The following FNBP4 variants were observed in gnomAD, a reference collection of about 807,000 sequenced individuals.
FNBP4 encodes the protein formin-binding protein 4.
Under a neutral mutation model 119.3 loss-of-function variants are expected in FNBP4, and 34 were observed. The observed-to-expected ratio is 0.28, with a 90% CI of 0.22 to 0.38. The LOEUF (loss-of-function observed/expected upper bound fraction) is 0.38, where lower values mean the gene tolerates loss of function less well. Among genes scored for constraint, FNBP4 ranks in the 10% least tolerant of loss-of-function variants. The pLI, the probability that FNBP4 is intolerant of heterozygous loss-of-function variation, is 1.00. For missense variants in FNBP4, 1,112 were observed against 1,228.9 expected, an observed-to-expected ratio of 0.90 and a Z score of 1.42; for synonymous variants, 462 against 430.6, an observed-to-expected ratio of 1.07 and a Z score of -0.90.
At chr11:47,755,846 T>C (rs996884224) in intron 2 of FNBP4, among the ~76,000 whole-genome samples, 3 of 151,894 alleles carry the variant, frequency 2.0e-5, no homozygotes, top group African/African-American at 7.3e-5. Context: ...TTAATCTGCA[T>C]AGTTATTTCA....
chr11:47,731,887 C>T (rs143367832), intron 11 of FNBP4: 8 of 1,031,180 alleles, frequency 7.8e-6, no homozygotes, highest in Non-Finnish European at 9.3e-6. Flanking sequence ...GGGACTCAAT[C>T]GCCTAGAACA....
At chr11:47,762,945 A>G (rs2097639143) in intron 2 of FNBP4, among the ~76,000 whole-genome samples, 1 of 144,246 alleles carries the variant, frequency 6.9e-6, no homozygotes, top group Non-Finnish European at 1.5e-5. Flanking sequence ...TCTGCTGCCT[A>G]GGCTGCTCTT....
chr11:47,722,978 T>C lies in FNBP4; in HGVS notation c.2803A>G (p.Lys935Glu). The C allele has an allele frequency of 6.5e-7, 1 of 1,527,570 alleles. No homozygotes were observed. Among genetic ancestry groups the C allele is most frequent in the Non-Finnish European group, 8.8e-7 (1 of 1,140,114 alleles). The allele number at this position is 1,527,570 out of a possible 1,614,324, so 94.6% of individuals were successfully genotyped here. The change falls in exon 15 of 17, where the codon AAG (lysine) becomes GAG (glutamate). Residue 935 changes from lysine (K) to glutamate (E), a missense_variant and splice_region_variant. This residue lies in a region of FNBP4 where 826 missense variants were observed against 988.8 expected (regional missense o/e 0.84). Coordinates refer to ENST00000263773, the MANE Select transcript of FNBP4 (RefSeq NM_015308.5). ...PEKTKKGRKDKAKKSKTKMPS... is the reference protein window; with the variant it reads ...PEKTKKGRKDEAKKSKTKMPS... Reference sequence around the variant, plus strand: ...TTAAAAAGGGAAATTTATTATACCTTGTCTTTCCTTCCTTTTTTTGTCTTT... The same window carrying C: ...TTAAAAAGGGAAATTTATTATACCTCGTCTTTCCTTCCTTTTTTTGTCTTT...
Position 47,724,706 on chromosome 11 carries a change from G to A in FNBP4, c.2081C>T (p.Thr694Ile). Residue 694 changes from threonine (T) to isoleucine (I), a missense_variant, in exon 13 of 17, where the codon ACC (threonine) becomes ATC (isoleucine). Transcript: ENST00000263773. Reference sequence around the variant, plus strand: ...CACAGGAACATTTGACTGAAGGAGGGTCCAGAATGGAGTAAGTGGCATGAG... The same window carrying A: ...CACAGGAACATTTGACTGAAGGAGGATCCAGAATGGAGTAAGTGGCATGAG... ...SSLMPLTPFW[T>I]LLQSNVPVLQ... The A allele has an allele frequency of 6.2e-7, 1 of 1,612,460 alleles. No homozygotes were observed. Among genetic ancestry groups the A allele is most frequent in the Non-Finnish European group, 8.5e-7 (1 of 1,178,964 alleles).
intron 6 of FNBP4, among the ~76,000 whole-genome samples, chr11:47,746,638 C>G (rs1360186738): frequency 6.6e-6 from 1 of 151,988 alleles, no homozygotes. Flanking sequence ...TCTCAGCCTC[C>G]CAAGTAGCTG....
intron 1 of FNBP4, among the ~76,000 whole-genome samples, chr11:47,766,803 G>A (rs900048576): frequency 1.3e-5 from 2 of 152,234 alleles, no homozygotes; most frequent in Non-Finnish European, 2.9e-5. Flanking sequence ...GACTCAGGAT[G>A]CCCGAACTTC....
intron 8 of FNBP4, among the ~76,000 whole-genome samples, chr11:47,740,632 C>T (rs547545475): frequency 3.3e-5 from 5 of 151,262 alleles, no homozygotes; most frequent in East Asian, 1.9e-4. Context: ...CTCACTCTGT[C>T]GCTTAGGCTG....
intron 12 of FNBP4, among the ~76,000 whole-genome samples, chr11:47,728,228 G>T (rs1276834565): frequency 2.0e-5 from 3 of 151,854 alleles, no homozygotes; most frequent in African/African-American, 7.2e-5. Flanking sequence ...GCTTAAAACT[G>T]AATATGTTAT....
intron 7 of FNBP4, among the ~76,000 whole-genome samples, 163 bp downstream of exon 7, chr11:47,745,893 C>T (rs1747469776): frequency 6.6e-6 from 1 of 152,136 alleles, no homozygotes; most frequent in Non-Finnish European, 1.5e-5. Context: ...ACCAAAAAAC[C>T]TACACCTCTG....
rs1402058765 is a variant in FNBP4, at chr11:47,731,388, G to C, written c.1994C>G (p.Ser665Cys). 3.1e-6 allele frequency: 5 copies of C among 1,611,488 alleles called. No individual in the cohort carries two copies. Among genetic ancestry groups the C allele is most frequent in the Non-Finnish European group, 4.2e-6 (5 of 1,179,150 alleles). The change falls in exon 12 of 17, where the codon TCT becomes TGT. Residue 665 changes from serine to cysteine, a missense_variant. Ser to Cys is a moderately radical substitution (Grantham distance 112). Around this residue, in one of 2 missense-constraint regions of FNBP4, gnomAD observed 826 missense variants for 988.8 expected, o/e 0.84. Transcript: ENST00000263773. ...AATTGTCTCACCTGTGGAAGTTTCA[G>C]AGGATTCTGTTGAATTTGAATCAGT... is the stretch of plus-strand genomic sequence containing the variant. Reference protein sequence around the residue: ...TGTDSNSTESSETSTGSLCKE... With the variant: ...TGTDSNSTESCETSTGSLCKE...
At position 47,753,120 on chromosome 11, in the gene FNBP4, T is replaced by G; in HGVS notation, c.451-18A>C. 6.4e-7 allele frequency: 1 copy of G among 1,570,778 alleles called. No individual in the cohort carries two copies. The highest frequency in any genetic ancestry group is 1.2e-5 in the South Asian group (1 of 86,052). On this transcript the variant is annotated intron_variant, in intron 3 of 16. Coordinates refer to ENST00000263773, the MANE Select transcript of FNBP4 (RefSeq NM_015308.5). The stretch of plus-strand genomic sequence containing the variant: ...TCGATCTCCTTCAGTATGAAAAGAG[T>G]AACAAATGCAGTAATTATATCAAAA...
intron 2 of FNBP4, among the ~76,000 whole-genome samples, chr11:47,758,866 C>T (rs539785963): frequency 2.7e-5 from 4 of 148,374 alleles, no homozygotes; most frequent in Non-Finnish European, 4.5e-5. Flanking sequence ...TAAAAAAAAG[C>T]GGGGGGGAAA....
In FNBP4 at chr11:47,767,203, CGGCCCGGCGTGCTGCCCCGAG is replaced by C; in HGVS notation, c.65_85del (p.Pro22_Gly28del). On this transcript the variant is annotated inframe_deletion, in exon 1 of 17. Coordinates refer to ENST00000263773, the MANE Select transcript of FNBP4 (RefSeq NM_015308.5). ...AGTGTCGGGTTCCGGCTCCGGGTCC[CGGCCCGGCGTGCTGCCCCGAG>C]GACCCGGCGGAGAGAGTTGCAGGAT... The C allele has an allele frequency of 6.4e-7, 1 of 1,563,888 alleles. No homozygotes were observed. Among genetic ancestry groups the C allele is most frequent in the Non-Finnish European group, 8.6e-7 (1 of 1,161,186 alleles).
chr11:47,759,000 C>A (rs1159738506), intron 2 of FNBP4, among the ~76,000 whole-genome samples: 1 of 150,712 alleles, frequency 6.6e-6, no homozygotes, highest in Non-Finnish European at 1.5e-5. Flanking sequence ...CTCAGTGCAA[C>A]CTCCGCCTCC....
intron 15 of FNBP4, among the ~76,000 whole-genome samples, chr11:47,720,842 T>C (rs992546316): frequency 7.8e-4 from 115 of 147,116 alleles, no homozygotes; most frequent in African/African-American, 1.6e-3. Context: ...CCGGGGGCGG[T>C]GGCGGCGGCG....
intron 12 of FNBP4, chr11:47,726,546 C>T (rs2097561272): frequency 6.6e-6 from 1 of 151,238 alleles, no homozygotes; most frequent in South Asian, 2.1e-4. Flanking sequence ...TTCCCACTGT[C>T]TCCTTATTTT....
chr11:47,722,635 G>A (rs2097557126), intron 15 of FNBP4, among the ~76,000 whole-genome samples: 1 of 152,114 alleles, frequency 6.6e-6, no homozygotes, highest in South Asian at 2.1e-4. Flanking sequence ...CTGTCACCCA[G>A]GCTGGAGTGC....
At chr11:47,765,772 G>A (rs1312045732) in intron 1 of FNBP4, among the ~76,000 whole-genome samples, 2 of 150,882 alleles carry the variant, frequency 1.3e-5, no homozygotes, top group African/African-American at 2.4e-5. Flanking sequence ...GGGCCACAGA[G>A]GAAGACTCCA....
At chr11:47,743,328 C>T (rs762954085) in intron 8 of FNBP4, among the ~76,000 whole-genome samples, 4 of 151,912 alleles carry the variant, frequency 2.6e-5, no homozygotes. Context: ...ACTAAAAATA[C>T]AAAAAATAGC....
Sources: allele counts gnomAD v4.1 joint callset (sites outside exome capture counted in the v4.1 genomes callset), GRCh38; gene constraint gnomAD v4.1.1; regional missense constraint gnomAD v4.1.1; transcripts MANE v1.5; gene names NCBI Gene and HGNC (gene_info 2026-07-23, HGNC 2026-07-21).